The following CDH13 variants were observed in gnomAD, a reference collection of about 807,000 sequenced individuals.
CDH13 encodes cadherin 13.
CDH13 carries 24 observed loss-of-function variants against 63.8 expected under a neutral mutation model. That is an observed-to-expected ratio of 0.38 (90% CI 0.27 to 0.53). The LOEUF (loss-of-function observed/expected upper bound fraction) is 0.53. CDH13 is among the 20% of genes least tolerant of loss of function. The pLI, the probability that CDH13 is intolerant of heterozygous loss-of-function variation, is 0.85. For missense variants in CDH13, 1,049 were observed against 903.1 expected (o/e 1.16, Z -2.07); for synonymous variants, 503 against 355.3 (o/e 1.42, Z -4.67).
chr16:82,755,281 C>G (rs781782263), intron 1 of CDH13, among the ~76,000 whole-genome samples: 1 of 152,116 alleles, frequency 6.6e-6, no homozygotes, highest in Non-Finnish European at 1.5e-5. Context: ...AATGATGGCT[C>G]ATGGGGACAG....
intron 6 of CDH13, among the ~76,000 whole-genome samples, chr16:83,478,887 C>T (rs894682885): frequency 6.6e-6 from 1 of 151,546 alleles, no homozygotes; most frequent in Non-Finnish European, 1.5e-5. Context: ...TGAGCAGTGG[C>T]CTCCAATTGG....
chr16:83,559,596 AGAAG>A (rs1320823979), intron 7 of CDH13, among the ~76,000 whole-genome samples: 97 of 151,744 alleles, frequency 6.4e-4, no homozygotes, highest in Admixed American at 2.6e-3. Context: ...GAGAGAGAAA[AGAAG>A]GAAGGAAGGA....
At chr16:83,107,843 G>A (rs1040595570) in intron 3 of CDH13, among the ~76,000 whole-genome samples, 2 of 150,130 alleles carry the variant, frequency 1.3e-5, no homozygotes, top group Admixed American at 6.7e-5. Context: ...TTCTTGAGAC[G>A]GCATCTCGCT....
At chr16:82,878,584 G>A (rs556662022) in intron 2 of CDH13, among the ~76,000 whole-genome samples, 8 of 151,058 alleles carry the variant, frequency 5.3e-5, no homozygotes, top group African/African-American at 9.7e-5. Flanking sequence ...CCTTCTGTGC[G>A]TTGGGGCTTC....
intron 3 of CDH13, among the ~76,000 whole-genome samples, chr16:83,039,597 C>T (rs2151485837): frequency 6.6e-6 from 1 of 152,288 alleles, no homozygotes; most frequent in Non-Finnish European, 1.5e-5. Flanking sequence ...TGCCTCCCTC[C>T]CTTCCTTGTT....
chr16:83,191,502 TATACACACAC>T (rs1243082785), intron 4 of CDH13, among the ~76,000 whole-genome samples: 2 of 71,256 alleles, frequency 2.8e-5, no homozygotes, highest in Non-Finnish European at 5.5e-5. Context: ...CATATATATA[TATACACACAC>T]ACACACACAC....
chr16:83,070,663 C>A (rs113175019), intron 3 of CDH13, among the ~76,000 whole-genome samples: 80 of 152,176 alleles, frequency 5.3e-4, no homozygotes, highest in African/African-American at 1.9e-3. Context: ...AATGCTGAGA[C>A]GCCCAAGAAG....
At chr16:83,321,970 CAG>C (rs1323992985) in intron 5 of CDH13, among the ~76,000 whole-genome samples, 1 of 152,170 alleles carries the variant, frequency 6.6e-6, no homozygotes, top group Non-Finnish European at 1.5e-5. Flanking sequence ...GGTTCAGAGC[CAG>C]AGTGAGATGG....
At chr16:82,820,693 A>G (rs1194865827) in intron 1 of CDH13, among the ~76,000 whole-genome samples, 1 of 152,208 alleles carries the variant, frequency 6.6e-6, no homozygotes, top group Non-Finnish European at 1.5e-5. Context: ...CTCCCCCAAA[A>G]CATTCTTGAT....
At chr16:83,399,866 A>C (rs1332805796) in intron 6 of CDH13, among the ~76,000 whole-genome samples, 1 of 152,200 alleles carries the variant, frequency 6.6e-6, no homozygotes, top group Admixed American at 6.5e-5. Flanking sequence ...GAGAGTGAAG[A>C]AACAAAAGGA....
chr16:83,585,971 C>G (rs1906116610), intron 7 of CDH13, among the ~76,000 whole-genome samples: 1 of 152,122 alleles, frequency 6.6e-6, no homozygotes, highest in Non-Finnish European at 1.5e-5. Context: ...TGTCCCAGGA[C>G]AAAAGAATCC....
chr16:83,664,583 A>G (rs1193030888), intron 8 of CDH13, among the ~76,000 whole-genome samples: 1 of 151,428 alleles, frequency 6.6e-6, no homozygotes, highest in African/African-American at 2.4e-5. Context: ...GCACACAAAC[A>G]TGATGTGGAG....
At chr16:83,425,158 T>C (rs1294954512) in intron 6 of CDH13, among the ~76,000 whole-genome samples, 1 of 152,160 alleles carries the variant, frequency 6.6e-6, no homozygotes, top group Non-Finnish European at 1.5e-5. Context: ...GTCATTCTGC[T>C]CTCCCGACAT....
At chr16:82,841,920 G>A (rs2039022595) in intron 1 of CDH13, among the ~76,000 whole-genome samples, 1 of 151,546 alleles carries the variant, frequency 6.6e-6, no homozygotes, top group Admixed American at 6.6e-5. Flanking sequence ...TAGCCATGAT[G>A]GGAGCATTTA....
At position 82,758,563 on chromosome 16, in the gene CDH13, G is replaced by A. The variant is rs1180016384; in HGVS notation, c.46-99799G>A. On this transcript the variant is annotated intron_variant, in intron 1 of 13. Transcript: ENST00000567109. ...CTGTGCATTAGACAGCTTATAGATG[G>A]GTGCTCTTAGGTCACATGTTCCCAG... Among the ~76,000 whole-genome samples, 5 of 152,128 alleles carry A rather than the reference G, an allele frequency of 3.3e-5. No individual in the cohort carries two copies. In the East Asian group the frequency reaches 9.6e-4, roughly 29 times the overall value.
At chr16:82,707,089 T>A (rs939034122) in intron 1 of CDH13, among the ~76,000 whole-genome samples, 2 of 152,170 alleles carry the variant, frequency 1.3e-5, no homozygotes, top group Non-Finnish European at 2.9e-5. Context: ...GAAAATAGCT[T>A]TAGTCACAGG....
chr16:82,906,569 C>G (rs1225549439), intron 2 of CDH13, among the ~76,000 whole-genome samples: 1 of 152,156 alleles, frequency 6.6e-6, no homozygotes, highest in Non-Finnish European at 1.5e-5. Context: ...AATGAGGGGA[C>G]TCACCTGAAA....
intron 6 of CDH13, chr16:83,397,237 G>C (rs1415359823): frequency 6.6e-6 from 1 of 152,104 alleles, no homozygotes; most frequent in Admixed American, 6.6e-5. Context: ...TTGATTATGA[G>C]GGGATACACC....
intron 4 of CDH13, among the ~76,000 whole-genome samples, chr16:83,167,132 G>T (rs1333687943): frequency 6.6e-6 from 1 of 151,726 alleles, no homozygotes; most frequent in African/African-American, 2.4e-5. Flanking sequence ...ATTTGCAGTG[G>T]TACTTCCCTG....
Sources: allele counts gnomAD v4.1 joint callset (sites outside exome capture counted in the v4.1 genomes callset), GRCh38; gene constraint gnomAD v4.1.1; transcripts MANE v1.5; gene names NCBI Gene and HGNC (gene_info 2026-07-23, HGNC 2026-07-21).